Variants in TMEM117 observed in about 807,000 individuals in gnomAD.
TMEM117 encodes the protein transmembrane protein 117.
TMEM117 carries 27 observed loss-of-function variants against 52.4 expected under a neutral mutation model. The observed-to-expected ratio is 0.51, with a 90% CI of 0.38 to 0.71. The LOEUF (loss-of-function observed/expected upper bound fraction) is 0.71, where lower values mean the gene tolerates loss of function less well. Ranked by LOEUF, TMEM117 falls within the 30% of genes least tolerant of loss-of-function variation. The pLI is 0.00. For missense variants in TMEM117, 556 were observed against 630.5 expected, an observed-to-expected ratio of 0.88 and a Z score of 1.26; for synonymous variants, 215 against 206.3, an observed-to-expected ratio of 1.04 and a Z score of -0.36.
intron 4 of TMEM117, among the ~76,000 whole-genome samples, chr12:44,159,425 T>C (rs1199051675): frequency 6.6e-6 from 1 of 152,148 alleles, no homozygotes; most frequent in Admixed American, 6.6e-5. Flanking sequence ...AAACTGCAGA[T>C]GGTTTAGTTT....
At chr12:43,824,917 G>C in the TMEM117 span, among the ~76,000 whole-genome samples, 1 of 152,212 alleles carries the variant, frequency 6.6e-6, no homozygotes, top group Admixed American at 6.5e-5. Flanking sequence ...CTGGGCGACA[G>C]AGCGAGACTC....
chr12:43,949,349 C>T (rs978621898), intron 3 of TMEM117, among the ~76,000 whole-genome samples: 2 of 152,196 alleles, frequency 1.3e-5, no homozygotes, highest in Admixed American at 6.5e-5. Flanking sequence ...TGCATTTCTT[C>T]TCCGCTGATT....
chr12:43,832,757 C>T (rs770984042), upstream of TMEM117, among the ~76,000 whole-genome samples: 5 of 152,122 alleles, frequency 3.3e-5, no homozygotes, highest in Non-Finnish European at 7.4e-5. Context: ...CCTTACTCTA[C>T]CACTATGGCT....
the TMEM117 span, chr12:43,795,897 T>C: frequency 4.1e-6 from 3 of 723,884 alleles, no homozygotes; most frequent in Non-Finnish European, 6.6e-6. Flanking sequence ...TTCACTTTCT[T>C]CTTTTGGGGG....
At chr12:44,370,080 C>T (rs2138832823) in intron 6 of TMEM117, among the ~76,000 whole-genome samples, 2 of 152,274 alleles carry the variant, frequency 1.3e-5, no homozygotes, top group Middle Eastern at 6.8e-3. Flanking sequence ...ATCCCCCAAC[C>T]TTTAAAATCA....
At chr12:44,200,481 C>G (rs1231050426) in intron 4 of TMEM117, among the ~76,000 whole-genome samples, 2 of 152,136 alleles carry the variant, frequency 1.3e-5, no homozygotes, top group Non-Finnish European at 2.9e-5. Context: ...GGAAACAAGC[C>G]TCTCATGGAA....
intron 3 of TMEM117, among the ~76,000 whole-genome samples, chr12:44,020,810 A>G (rs1317122430): frequency 6.6e-6 from 1 of 152,196 alleles, no homozygotes; most frequent in Non-Finnish European, 1.5e-5. Context: ...CTAAAGACAG[A>G]ATAGAGGCTA....
At chr12:44,345,949 C>T (rs530701802) in intron 6 of TMEM117, among the ~76,000 whole-genome samples, 2 of 152,132 alleles carry the variant, frequency 1.3e-5, no homozygotes, top group South Asian at 4.1e-4. Context: ...ATCTTCTGGA[C>T]CTGCAAGAAA....
intron 2 of TMEM117, among the ~76,000 whole-genome samples, chr12:43,923,525 T>G (rs1156674126): frequency 6.6e-6 from 1 of 152,176 alleles, no homozygotes; most frequent in East Asian, 1.9e-4. Flanking sequence ...GTCAGTATTT[T>G]TCATCACAAA....
intron 6 of TMEM117, among the ~76,000 whole-genome samples, chr12:44,302,532 C>T (rs935637524): frequency 2.6e-5 from 4 of 152,220 alleles, no homozygotes; most frequent in Admixed American, 2.0e-4. Context: ...ATCACTTCCT[C>T]TTCAGAACTC....
intron 2 of TMEM117, among the ~76,000 whole-genome samples, chr12:43,918,056 C>CT (rs1204778145): frequency 1.3e-5 from 2 of 152,160 alleles, no homozygotes; most frequent in Admixed American, 1.3e-4. Flanking sequence ...CGAGAACACT[C>CT]TTATCATCAA....
chr12:43,868,169 C>G (rs979081947), intron 2 of TMEM117, among the ~76,000 whole-genome samples: 18 of 151,368 alleles, frequency 1.2e-4, no homozygotes, highest in African/African-American at 3.2e-4. Flanking sequence ...TGTCTCTCCC[C>G]CTCTCTCTGT....
chr12:43,866,410 CAAAAA>C (rs1194302841), intron 2 of TMEM117, among the ~76,000 whole-genome samples: 5 of 107,126 alleles, frequency 4.7e-5, no homozygotes, highest in African/African-American at 1.0e-4. Flanking sequence ...TCATCGCTAC[CAAAAA>C]AAAAAAAAAA....
At chr12:43,913,355 A>T (rs1610291) in intron 2 of TMEM117, among the ~76,000 whole-genome samples, 109,079 of 152,158 alleles carry the variant, frequency 0.72, 42,203 homozygotes, top group East Asian at 0.87. Context: ...TAGTAACAAA[A>T]AAGTCATATT....
At chr12:44,010,110 A>G in intron 3 of TMEM117, 1 of 490,016 alleles carries the variant, frequency 2.0e-6, no homozygotes, top group South Asian at 1.5e-5. Flanking sequence ...TGGGGGTTCA[A>G]GTATGCATCT....
chr12:44,295,629 T>C (rs1435940735), intron 5 of TMEM117, among the ~76,000 whole-genome samples: 1 of 152,156 alleles, frequency 6.6e-6, no homozygotes, highest in African/African-American at 2.4e-5. Flanking sequence ...TGTAGCTCTC[T>C]TTTGAATTTT....
chr12:44,202,542 T>G (rs1949509790), intron 4 of TMEM117, among the ~76,000 whole-genome samples: 1 of 152,226 alleles, frequency 6.6e-6, no homozygotes, highest in Admixed American at 6.5e-5. Context: ...TGGATTTGTT[T>G]GCTAGTATTT....
At chr12:44,238,951 C>T (rs1029702025) in intron 5 of TMEM117, among the ~76,000 whole-genome samples, 2 of 152,006 alleles carry the variant, frequency 1.3e-5, no homozygotes, top group African/African-American at 4.8e-5. Context: ...TGAATTCTGC[C>T]TGAAGTTGCT....
At chr12:44,074,751 T>A (rs1592494415) in intron 3 of TMEM117, among the ~76,000 whole-genome samples, 1 of 152,244 alleles carries the variant, frequency 6.6e-6, no homozygotes, top group Non-Finnish European at 1.5e-5. Context: ...AAACTGCAAT[T>A]CTTACAAAAA....
Sources: allele counts gnomAD v4.1 joint callset (sites outside exome capture counted in the v4.1 genomes callset), GRCh38; gene constraint gnomAD v4.1.1; transcripts MANE v1.5; gene names NCBI Gene and HGNC (gene_info 2026-07-23, HGNC 2026-07-21).